NID1: variants seen among roughly 807,000 people sequenced by gnomAD.
NID1 encodes the protein nidogen 1, also known as nidogen-1.
In NID1, 76 loss-of-function variants were observed where a neutral mutation model predicts 130.6. That is an observed-to-expected ratio of 0.58 (90% confidence interval 0.48 to 0.70). The LOEUF (loss-of-function observed/expected upper bound fraction) is 0.70. NID1 is among the 30% of genes least tolerant of loss of function. NID1 has a pLI of 0.00. For missense variants in NID1, 1,517 were observed against 1,664.8 expected, an observed-to-expected ratio of 0.91 and a Z score of 1.54; for synonymous variants, 665 against 675.1, an observed-to-expected ratio of 0.98 and a Z score of 0.23.
intron 5 of NID1, among the ~76,000 whole-genome samples, chr1:236,032,947 AT>A (rs775758135): frequency 2.4e-4 from 36 of 152,184 alleles, no homozygotes; most frequent in Non-Finnish European, 4.4e-4. Context: ...TAAAAACAGA[AT>A]TTCAGAAGAA....
Position 236,045,505 on chromosome 1 carries a change from G to A in NID1, c.704C>T (p.Ala235Val). 1 of 1,614,146 alleles carries A rather than the reference G, an allele frequency of 6.2e-7. No homozygotes were observed. The highest frequency in any genetic ancestry group is 8.5e-7 in the Non-Finnish European group (1 of 1,180,028). ...CCTGTCATTAGCAAATATGTTATAAGCTCCGTTGCTCTTCCATAAGAATCC... is the reference window on the plus strand; with the variant it reads ...CCTGTCATTAGCAAATATGTTATAAACTCCGTTGCTCTTCCATAAGAATCC... ...SVGFLWKSNGAYNIFANDRES... is the reference protein window; with the variant it reads ...SVGFLWKSNGVYNIFANDRES... Residue 235 changes from alanine to valine, a missense_variant, in exon 3 of 20, where the codon GCT becomes GTT. Physicochemically the swap from Ala to Val is moderately conservative, Grantham distance 64. Around this residue, in one of 3 missense-constraint regions of NID1, gnomAD observed 1,329 missense variants for 1,429.2 expected, o/e 0.93. Transcript: ENST00000264187.
intron 15 of NID1, among the ~76,000 whole-genome samples, chr1:235,982,925 G>C (rs1490214969): frequency 6.6e-6 from 1 of 152,136 alleles, no homozygotes; most frequent in African/African-American, 2.4e-5. Context: ...TCAGGCTGGA[G>C]TGCAGTGGTG....
At chr1:235,994,398 G>A (rs1657861668) in intron 12 of NID1, among the ~76,000 whole-genome samples, 1 of 152,202 alleles carries the variant, frequency 6.6e-6, no homozygotes, top group Non-Finnish European at 1.5e-5. Context: ...CTGGCCTTAG[G>A]TGATCCGCCT....
intron 13 of NID1, 71 bp from the exon 14 acceptor site, chr1:235,991,129 C>CACA (rs536964808): frequency 7.4e-5 from 93 of 1,257,834 alleles, no homozygotes; most frequent in Middle Eastern, 2.7e-4. Context: ...ACACACACAC[C>CACA]CCCACACACA....
chr1:236,038,701 A>T (rs1298328825), intron 4 of NID1, among the ~76,000 whole-genome samples: 2 of 133,898 alleles, frequency 1.5e-5, no homozygotes, highest in Non-Finnish European at 3.1e-5. Flanking sequence ...GTCATATATA[A>T]TATATATTAC....
chr1:236,047,329 T>C (rs1446550365), intron 2 of NID1, among the ~76,000 whole-genome samples: 1 of 152,192 alleles, frequency 6.6e-6, no homozygotes, highest in Non-Finnish European at 1.5e-5. Context: ...ACCTCCCATT[T>C]ATATGAAGTG....
Position 235,980,479 on chromosome 1 carries a change from G to A in NID1, c.3385+17C>T. ...GAGATTGAGACCCGCCCTGGACAGT[G>A]TCCAGCTTTCCATCACCTGCATCCA... On this transcript the variant is annotated intron_variant, in intron 17 of 19. Coordinates refer to ENST00000264187, the MANE Select transcript of NID1 (RefSeq NM_002508.3). The A allele has an allele frequency of 6.2e-7, 1 of 1,613,828 alleles. No individual in the cohort carries two copies. The highest frequency in any genetic ancestry group is 8.5e-7 in the Non-Finnish European group (1 of 1,179,896).
intron 7 of NID1, among the ~76,000 whole-genome samples, 156 bp downstream of exon 7, chr1:236,029,394 C>T (rs1313530537): frequency 3.3e-5 from 5 of 152,162 alleles, no homozygotes; most frequent in African/African-American, 1.2e-4. Flanking sequence ...GTAGTGCGTC[C>T]TATGTCTATA....
chr1:236,049,876 A>G (rs1659712571), intron 1 of NID1, among the ~76,000 whole-genome samples: 2 of 151,934 alleles, frequency 1.3e-5, no homozygotes, highest in South Asian at 4.1e-4. Context: ...CATCTCTACT[A>G]AAAATTCAAA....
intron 12 of NID1, among the ~76,000 whole-genome samples, chr1:235,997,127 C>G (rs1202375989): frequency 6.6e-6 from 1 of 152,206 alleles, no homozygotes; most frequent in Non-Finnish European, 1.5e-5. Flanking sequence ...AGCCACCATG[C>G]CTGGCCTCCT....
rs141367396 is a variant in NID1 at position 236,032,500 on chromosome 1, C to T, written c.1438G>A (p.Val480Ile). The T allele has an allele frequency of 1.5e-5, 24 of 1,614,100 alleles. No individual in the cohort carries two copies. The Middle Eastern group carries it at 4.9e-4, about 33-fold the overall frequency. Residue 480 changes from valine (V) to isoleucine (I), a missense_variant, in exon 6 of 20, where the codon GTT (valine) becomes ATT (isoleucine). Around this residue, in one of 3 missense-constraint regions of NID1, gnomAD observed 1,329 missense variants for 1,429.2 expected, o/e 0.93. Transcript: ENST00000264187. ...GCCAGTGGAAGCAGAGAATATCCAA[C>T]GGTCTCGGGAATGGTGCTGATGGCT... is the stretch of plus-strand genomic sequence containing the variant. Reference protein sequence around the residue: ...YTAISTIPETVGYSLLPLAPV... With the variant: ...YTAISTIPETIGYSLLPLAPV...
chr1:236,064,632 G>T, intron 1 of NID1: 1 of 562,836 alleles, frequency 1.8e-6, no homozygotes, highest in South Asian at 1.8e-5. Flanking sequence ...CGGGGCGCGC[G>T]GAGCCACCCA....
chr1:235,991,690 C>G (rs956901273), intron 13 of NID1, among the ~76,000 whole-genome samples: 1 of 152,130 alleles, frequency 6.6e-6, no homozygotes, highest in Admixed American at 6.6e-5. Flanking sequence ...GGCACTGGTG[C>G]TAGAGGAAGG....
In NID1 at chr1:235,985,871, G is replaced by A. The variant is rs1053307642; in HGVS notation, c.2929-366C>T. On this transcript the variant is annotated intron_variant, in intron 14 of 19. Transcript: ENST00000264187. The stretch of plus-strand genomic sequence containing the variant: ...AACCTCCTGAACTCGAGTGATCCTC[G>A]CCCTCAGACTCTCAAGTAGCTGGGA... Among the ~76,000 whole-genome samples the A allele has an allele frequency of 3.3e-5, 5 of 151,886 alleles. No individual in the cohort carries two copies. In the East Asian group the frequency reaches 7.8e-4, roughly 24 times the overall value.
At chr1:236,055,788 T>G (rs1236077902) in intron 1 of NID1, among the ~76,000 whole-genome samples, 2 of 152,218 alleles carry the variant, frequency 1.3e-5, no homozygotes, top group Non-Finnish European at 2.9e-5. Context: ...CTCATTGTCC[T>G]TGTTTTTATT....
chr1:236,028,932 T>G (rs1659018085), intron 7 of NID1, among the ~76,000 whole-genome samples: 2 of 152,122 alleles, frequency 1.3e-5, no homozygotes, highest in Admixed American at 1.3e-4. Flanking sequence ...ATCCCAGCAC[T>G]TAGGGAGGCT....
Position 236,025,928 on chromosome 1 carries a change from T to C in NID1, c.1952A>G (p.Tyr651Cys). 1 of 1,613,724 alleles carries C rather than the reference T, an allele frequency of 6.2e-7. No individual in the cohort carries two copies. The highest frequency in any genetic ancestry group is 8.5e-7 in the Non-Finnish European group (1 of 1,179,912). Reference protein sequence around the residue: ...LYNQEEKILRYALSNSIGPVR... With the variant: ...LYNQEEKILRCALSNSIGPVR... ...AGGCCCAATGGAGTTGCTGAGAGCA[T>C]AGCGCAAGATCTTCTCCTCCTGGTT... Residue 651 changes from tyrosine (Y) to cysteine (C), a missense_variant, in exon 8 of 20, where the codon TAT becomes TGT. Coordinates refer to ENST00000264187, the MANE Select transcript of NID1 (RefSeq NM_002508.3).
At chr1:236,051,280 C>CCCT (rs1322542856) in intron 1 of NID1, among the ~76,000 whole-genome samples, 1 of 149,430 alleles carries the variant, frequency 6.7e-6, no homozygotes, top group Non-Finnish European at 1.5e-5. Context: ...CCCCTCCCCT[C>CCCT]CCTCCTCCTC....
At chr1:236,043,888 G>A (rs1659525632) in intron 3 of NID1, among the ~76,000 whole-genome samples, 1 of 152,138 alleles carries the variant, frequency 6.6e-6, no homozygotes, top group African/African-American at 2.4e-5. Context: ...GGTGCTTAAA[G>A]GATATGGTGA....
Sources: gnomAD v4.1 joint callset for allele counts (sites outside exome capture counted in the v4.1 genomes callset) on GRCh38, gnomAD v4.1.1 for gene constraint, gnomAD v4.1.1 regional missense constraint, MANE v1.5 for transcripts, NCBI Gene and HGNC (gene_info 2026-07-23, HGNC 2026-07-21) for gene names.